The following PYROXD2 variants were observed in gnomAD, a reference collection of about 807,000 sequenced individuals.
The protein encoded by PYROXD2 is pyridine nucleotide-disulphide oxidoreductase domain 2.
Under a neutral mutation model 71.1 loss-of-function variants are expected in PYROXD2, and 69 were observed. The ratio of observed to expected loss-of-function variants is 0.97; its 90% CI spans 0.80 to 1.19. The LOEUF (loss-of-function observed/expected upper bound fraction) is 1.19. Among genes scored for constraint, PYROXD2 ranks in the 50% most tolerant of loss-of-function variants. The probability of loss-of-function intolerance (pLI) is 0.00; values close to 1 mark genes in which losing one functional copy is unlikely to be tolerated. For missense variants in PYROXD2, 745 were observed against 748.9 expected (o/e 0.99, Z 0.06); for synonymous variants, 287 against 302.7 (o/e 0.95, Z 0.54).
intron 4 of PYROXD2, 42 bp downstream of exon 4, chr10:98,407,540 G>C: frequency 6.2e-7 from 1 of 1,608,486 alleles, no homozygotes; most frequent in Non-Finnish European, 8.5e-7. Context: ...AGATGGAACT[G>C]CCTCCTCCCT....
At chr10:98,408,779 T>C (rs1405886881) in intron 2 of PYROXD2, among the ~76,000 whole-genome samples, 1 of 152,232 alleles carries the variant, frequency 6.6e-6, no homozygotes, top group African/African-American at 2.4e-5. Context: ...AATGGTGCCA[T>C]GCAAAAGTCG....
chr10:98,385,402 G>A (rs917745226), intron 14 of PYROXD2, among the ~76,000 whole-genome samples: 3 of 152,218 alleles, frequency 2.0e-5, no homozygotes, highest in East Asian at 1.9e-4. Context: ...GTTGGCATGC[G>A]TCTCTGCGAG....
Position 98,388,411 on chromosome 10 carries a change from T to C in PYROXD2, c.1390A>G (p.Thr464Ala). ...TCCCAGGCCTTGCCTCCAGCCAGCGTATAGGGCATGTACTGAGTGAAGAGG... is the reference window on the plus strand; with the variant it reads ...TCCCAGGCCTTGCCTCCAGCCAGCGCATAGGGCATGTACTGAGTGAAGAGG... ...VSLFTQYMPY[T>A]LAGGKAWDEQ... Residue 464 changes from threonine (T) to alanine (A), a missense_variant, in exon 13 of 16, where the codon ACG becomes GCG. Thr to Ala is a moderately conservative substitution (Grantham distance 58, BLOSUM62 0). Coordinates refer to ENST00000370575, the MANE Select transcript of PYROXD2 (RefSeq NM_032709.3). 1 of 1,613,436 alleles carries C rather than the reference T, an allele frequency of 6.2e-7. No individual in the cohort carries two copies. The highest frequency in any genetic ancestry group is 1.1e-5 in the South Asian group (1 of 90,978).
chr10:98,410,660 G>A (rs927050680), intron 2 of PYROXD2: 8 of 497,956 alleles, frequency 1.6e-5, no homozygotes, highest in African/African-American at 1.2e-4. Context: ...TTGTCAGCTT[G>A]TTTCTGGAAG....
At chr10:98,388,638 A>G in intron 12 of PYROXD2, 130 bp from the exon 13 acceptor site, 1 of 1,069,422 alleles carries the variant, frequency 9.4e-7, no homozygotes, top group East Asian at 2.8e-5. Context: ...CTCTACAGCC[A>G]CAGTGGTTGT....
chr10:98,401,821 C>T (rs2135996580), intron 4 of PYROXD2, among the ~76,000 whole-genome samples: 1 of 152,318 alleles, frequency 6.6e-6, no homozygotes, highest in Admixed American at 6.5e-5. Flanking sequence ...TAACACGTGG[C>T]ACTGTCATCT....
intron 6 of PYROXD2, among the ~76,000 whole-genome samples, chr10:98,396,669 A>G (rs183705214): frequency 0.013 from 1,962 of 152,220 alleles, 20 homozygotes; most frequent in South Asian, 0.026. Flanking sequence ...TGGCCCCTAT[A>G]TCTTATTCTA....
At chr10:98,413,893 G>C (rs1321793872) in intron 1 of PYROXD2, 3 of 152,148 alleles carry the variant, frequency 2.0e-5, no homozygotes, top group African/African-American at 4.8e-5. Flanking sequence ...GTTGGCTACT[G>C]AGTTTGGCAA....
rs549632316 is a variant in PYROXD2 at position 98,388,470 on chromosome 10, G to C, written c.1331C>G (p.Pro444Arg). The C allele has an allele frequency of 7.4e-6, 12 of 1,612,192 alleles. No individual in the cohort carries two copies. In the Admixed American group the frequency reaches 1.5e-4, roughly 20 times the overall value. Residue 444 changes from proline to arginine, a missense_variant, in exon 13 of 16, where the codon CCC (proline) becomes CGC (arginine). By Grantham distance (103) the Pro-to-Arg change is moderately radical. Transcript: ENST00000370575. ...IELCIPSSLD[P>R]TLAPPGCHVV... ...ATGGCAGCCAGGGGGAGCCAGGGTG[G>C]GGTCCAGCGAGGAAGGGATGCAGAG...
At chr10:98,409,116 T>G (rs1843705328) in intron 2 of PYROXD2, among the ~76,000 whole-genome samples, 1 of 152,236 alleles carries the variant, frequency 6.6e-6, no homozygotes, top group East Asian at 1.9e-4. Flanking sequence ...ATTCTCCTAT[T>G]ACACAGGAAC....
At chr10:98,404,698 T>C (rs995405683) in intron 4 of PYROXD2, among the ~76,000 whole-genome samples, 1 of 152,040 alleles carries the variant, frequency 6.6e-6, no homozygotes, top group Non-Finnish European at 1.5e-5. Flanking sequence ...TGTGTGTGTG[T>C]CTAAAGGACC....
chr10:98,413,417 T>C (rs1283806216), intron 1 of PYROXD2, among the ~76,000 whole-genome samples: 1 of 152,246 alleles, frequency 6.6e-6, no homozygotes, highest in Non-Finnish European at 1.5e-5. Context: ...ACATCATTCC[T>C]GTCATTTAAA....
rs946224120 is a variant in PYROXD2 at position 98,383,602 on chromosome 10, C to G, written c.*196G>C. 1 of 630,914 alleles carries G rather than the reference C, an allele frequency of 1.6e-6. No homozygotes were observed. The highest frequency in any genetic ancestry group is 2.9e-6 in the Non-Finnish European group (1 of 350,190). 39.1% of individuals were successfully genotyped at this position (630,914 alleles called of 1,614,324 possible). On this transcript the variant is annotated 3_prime_UTR_variant, in exon 16 of 16. Coordinates refer to ENST00000370575, the MANE Select transcript of PYROXD2 (RefSeq NM_032709.3). ...AATATTAGTTTTAATAAAACAGAAC[C>G]AGTCCATGTATGGAGGCATGGGCAT...
intron 10 of PYROXD2, among the ~76,000 whole-genome samples, 186 bp downstream of exon 10, chr10:98,392,246 C>T (rs1384652776): frequency 6.6e-6 from 1 of 152,172 alleles, no homozygotes; most frequent in Non-Finnish European, 1.5e-5. Context: ...CCTCTCTGGC[C>T]CCTTCTCCCC....
At chr10:98,396,559 C>T (rs527312653) in intron 6 of PYROXD2, among the ~76,000 whole-genome samples, 31 of 152,320 alleles carry the variant, frequency 2.0e-4, no homozygotes, top group East Asian at 7.7e-4. Flanking sequence ...GCCTTCCATT[C>T]GCATACTCAT....
At chr10:98,384,913 T>A (rs770946072) in intron 15 of PYROXD2, 34 bp downstream of exon 15, 8 of 1,569,776 alleles carry the variant, frequency 5.1e-6, no homozygotes, top group Non-Finnish European at 6.0e-6. Flanking sequence ...GCCCTCCCAG[T>A]CCCCACAGGG....
intron 14 of PYROXD2, among the ~76,000 whole-genome samples, 191 bp from the exon 15 acceptor site, chr10:98,385,258 T>C (rs1196044558): frequency 6.6e-6 from 1 of 152,204 alleles, no homozygotes; most frequent in East Asian, 1.9e-4. Context: ...GGAGTGAAGT[T>C]TTCCAGAGGC....
At chr10:98,408,241 C>G (rs1843678103) in intron 2 of PYROXD2, among the ~76,000 whole-genome samples, 1 of 152,222 alleles carries the variant, frequency 6.6e-6, no homozygotes, top group African/African-American at 2.4e-5. Flanking sequence ...CCTCCACTTC[C>G]CAGCTGAAAG....
chr10:98,392,628 C>T lies in PYROXD2; in HGVS notation c.928-62G>A, dbSNP rs898461368. 82 of 1,592,248 alleles carry T rather than the reference C, an allele frequency of 5.1e-5. 1 individual carries two copies. The highest frequency in any genetic ancestry group is 2.5e-4 in the South Asian group (22 of 89,124). ...GAAGGGAAATCCATGTTAGATCTTC[C>T]GGGATTTCCATGGTCTGTGCTGCTC... On this transcript the variant is annotated intron_variant, in intron 9 of 15. Transcript: ENST00000370575.
Sources: allele counts gnomAD v4.1 joint callset (sites outside exome capture counted in the v4.1 genomes callset), GRCh38; gene constraint gnomAD v4.1.1; transcripts MANE v1.5; gene names NCBI Gene and HGNC (gene_info 2026-07-23, HGNC 2026-07-21).